Variants in TLK2 observed in about 807,000 individuals in gnomAD.
TLK2 encodes serine/threonine-protein kinase tousled-like 2.
In TLK2, 6 loss-of-function variants were observed where a neutral mutation model predicts 117.3. The ratio of observed to expected loss-of-function variants is 0.05; its 90% CI spans 0.03 to 0.10. The LOEUF is 0.10. TLK2 is among the 10% of genes least tolerant of loss of function. TLK2 has a pLI of 1.00. For synonymous variants in TLK2, 257 were observed against 316.7 expected, an observed-to-expected ratio of 0.81 and a Z score of 2.00; for missense variants, 299 against 901.2, an observed-to-expected ratio of 0.33 and a Z score of 8.56.
rs148952529 is a variant in TLK2 at position 62,601,004 on chromosome 17, G to A, written c.1720+184G>A. 3.2e-3 allele frequency among the ~76,000 whole-genome samples: 492 copies of A among 152,262 alleles called. 4 individuals carry two copies. Among genetic ancestry groups the A allele is most frequent in the African/African-American group, 0.011 (466 of 41,552 alleles). ...CAAGCAGCACTGGGTTTAGGAGGGCGTGTTGGATTAAATACTCTGGAGAAA... is the reference window on the plus strand; with the variant it reads ...CAAGCAGCACTGGGTTTAGGAGGGCATGTTGGATTAAATACTCTGGAGAAA... On this transcript the variant is annotated intron_variant, in intron 18 of 21. Coordinates refer to ENST00000346027, the MANE Select transcript of TLK2 (RefSeq NM_006852.6).
intron 9 of TLK2, among the ~76,000 whole-genome samples, chr17:62,558,512 G>T (rs978422283): frequency 5.3e-5 from 8 of 152,206 alleles, no homozygotes; most frequent in African/African-American, 1.9e-4. Context: ...AGTGTCAGAA[G>T]CCACAAAAAC....
At chr17:62,514,290 T>A (rs983986075) in intron 2 of TLK2, among the ~76,000 whole-genome samples, 1 of 151,538 alleles carries the variant, frequency 6.6e-6, no homozygotes, top group Admixed American at 6.6e-5. Flanking sequence ...ACTATAGGTG[T>A]GTGCTACCAT....
upstream of TLK2, among the ~76,000 whole-genome samples, chr17:62,475,046 AAAC>A (rs1432380084): frequency 3.3e-5 from 5 of 152,164 alleles, no homozygotes; most frequent in African/African-American, 7.2e-5. Context: ...ACTTTGTCTC[AAAC>A]AACAACAAAA....
chr17:62,539,030 G>A (rs1307858662), intron 7 of TLK2, among the ~76,000 whole-genome samples: 15 of 152,084 alleles, frequency 9.9e-5, no homozygotes, highest in Non-Finnish European at 2.2e-4. Context: ...TAGCAAATTG[G>A]CAAGGATTAA....
intron 14 of TLK2, 55 bp from the exon 15 acceptor site, chr17:62,580,056 C>T (rs1373460836): frequency 1.9e-5 from 28 of 1,450,608 alleles, no homozygotes; most frequent in Non-Finnish European, 2.5e-5. Context: ...ATTTTGCAAG[C>T]GTGGAAGACT....
chr17:62,558,923 A>G (rs2079052634), intron 9 of TLK2, among the ~76,000 whole-genome samples: 1 of 152,206 alleles, frequency 6.6e-6, no homozygotes, highest in African/African-American at 2.4e-5. Context: ...GCCTTTTAGT[A>G]TTTTAGGAAC....
At chr17:62,607,811 C>T (rs1174543406) in intron 20 of TLK2, among the ~76,000 whole-genome samples, 1 of 152,116 alleles carries the variant, frequency 6.6e-6, no homozygotes, top group Non-Finnish European at 1.5e-5. Context: ...TGCTTCTGGT[C>T]CCCACTCTGC....
chr17:62,473,218 A>T (rs1804541052), intron 1 of TLK2, among the ~76,000 whole-genome samples: 1 of 152,130 alleles, frequency 6.6e-6, no homozygotes, highest in East Asian at 1.9e-4. Flanking sequence ...GGCATAGTCC[A>T]GCCCAAGCTC....
intron 6 of TLK2, among the ~76,000 whole-genome samples, chr17:62,528,520 G>A (rs902990404): frequency 2.4e-4 from 37 of 152,156 alleles, no homozygotes; most frequent in African/African-American, 8.4e-4. Flanking sequence ...GGGTTCAAGC[G>A]ATTCTCCTGC....
rs1491109025 is a variant in TLK2, at chr17:62,502,027, CAA to C, written c.82-18745_82-18744del. ...TATCAAACATTTAAGGAAAAAATAC[CAA>C]TTTTTTTTTTTTTTTTTACAAATTT... On this transcript the variant is annotated intron_variant, in intron 2 of 21. Transcript: ENST00000346027. Among the ~76,000 whole-genome samples the C allele has an allele frequency of 8.9e-4, 67 of 75,068 alleles. 1 individual carries two copies. Among genetic ancestry groups the C allele is most frequent in the Non-Finnish European group, 1.5e-3 (48 of 32,872 alleles). 49.2% of individuals were successfully genotyped at this position (75,068 alleles called of 152,430 possible). A position where few individuals can be genotyped will look rare whatever the true frequency, so the allele number is the denominator to read the frequency against.
At chr17:62,573,172 CT>C (rs760153734) in intron 11 of TLK2, 42 bp from the exon 12 acceptor site, 1 of 1,569,810 alleles carries the variant, frequency 6.4e-7, no homozygotes, top group Non-Finnish European at 8.6e-7. Flanking sequence ...TGTGGTAAAA[CT>C]TTTGACTTTC....
chr17:62,484,202 A>G (rs1021073573), intron 2 of TLK2, among the ~76,000 whole-genome samples: 1 of 152,116 alleles, frequency 6.6e-6, no homozygotes, highest in African/African-American at 2.4e-5. Context: ...GAGGACTAGC[A>G]GGAGAGTATT....
At chr17:62,587,956 A>G (rs555711936) in intron 16 of TLK2, among the ~76,000 whole-genome samples, 5 of 151,536 alleles carry the variant, frequency 3.3e-5, no homozygotes. Flanking sequence ...ATACAGATGT[A>G]TATGTATAAA....
intron 2 of TLK2, among the ~76,000 whole-genome samples, chr17:62,504,023 C>T (rs2074450743): frequency 6.6e-6 from 1 of 152,274 alleles, no homozygotes; most frequent in South Asian, 2.1e-4. Flanking sequence ...CGTGAGCCAC[C>T]ACGCTCGGCC....
chr17:62,562,268 G>A (rs749038285), intron 10 of TLK2, among the ~76,000 whole-genome samples: 1 of 152,160 alleles, frequency 6.6e-6, no homozygotes, highest in African/African-American at 2.4e-5. Context: ...GCTGAGGCAC[G>A]AGAATCACTT....
At chr17:62,516,599 A>G in intron 2 of TLK2, 1 of 1,610,114 alleles carries the variant, frequency 6.2e-7, no homozygotes, top group East Asian at 2.2e-5. Flanking sequence ...TCTTTCACGT[A>G]GCCTCGGCAC....
At chr17:62,473,939 A>C (rs2070989049), upstream of TLK2, among the ~76,000 whole-genome samples, 1 of 151,974 alleles carries the variant, frequency 6.6e-6, no homozygotes, top group East Asian at 1.9e-4. Context: ...ACTGACACGC[A>C]GGCTGGAGTA....
At chr17:62,485,364 GT>G (rs1312961069) in intron 2 of TLK2, among the ~76,000 whole-genome samples, 1 of 152,086 alleles carries the variant, frequency 6.6e-6, no homozygotes, top group Non-Finnish European at 1.5e-5. Context: ...TAACTTTCGA[GT>G]TTTTTCCACC....
chr17:62,558,433 G>C (rs1430684469), intron 9 of TLK2, among the ~76,000 whole-genome samples: 2 of 152,294 alleles, frequency 1.3e-5, no homozygotes, highest in Middle Eastern at 3.4e-3. Context: ...AGAGTGCTGG[G>C]ATTATAGGCA....
Sources: allele counts gnomAD v4.1 joint callset (sites outside exome capture counted in the v4.1 genomes callset), GRCh38; gene constraint gnomAD v4.1.1; transcripts MANE v1.5; gene names NCBI Gene and HGNC (gene_info 2026-07-23, HGNC 2026-07-21).